The following GLIS1 variants were observed in gnomAD, a reference collection of about 807,000 sequenced individuals.
GLIS1 encodes the protein GLIS family zinc finger 1.
GLIS1 carries 24 observed loss-of-function variants against 63.8 expected under a neutral mutation model. The ratio of observed to expected loss-of-function variants is 0.38; its 90% CI spans 0.27 to 0.53. The LOEUF is 0.53. Ranked by LOEUF, GLIS1 falls within the 20% of genes least tolerant of loss-of-function variation. The pLI is 0.85. For synonymous variants in GLIS1, 450 were observed against 482.5 expected (o/e 0.93, Z 0.88); for missense variants, 1,036 against 1,074.1 (o/e 0.96, Z 0.50).
chr1:53,605,048 C>G (rs982651669), intron 2 of GLIS1, among the ~76,000 whole-genome samples: 1 of 151,144 alleles, frequency 6.6e-6, no homozygotes, highest in African/African-American at 2.4e-5. Context: ...TAATCGCCAA[C>G]CCCCGATCTC....
chr1:53,597,641 C>T (rs1156997405), intron 3 of GLIS1, among the ~76,000 whole-genome samples: 1 of 152,020 alleles, frequency 6.6e-6, no homozygotes. Context: ...AGAGAAGGGG[C>T]CCCAAACACA....
At chr1:53,709,407 T>TACAC (rs1244921840) in intron 2 of GLIS1, among the ~76,000 whole-genome samples, 50 of 32,546 alleles carry the variant, frequency 1.5e-3, no homozygotes, top group African/African-American at 5.3e-3. Flanking sequence ...TATACATATA[T>TACAC]ATATACACAC....
intron 2 of GLIS1, among the ~76,000 whole-genome samples, chr1:53,734,879 A>G (rs910784169): frequency 6.6e-6 from 1 of 152,228 alleles, no homozygotes; most frequent in African/African-American, 2.4e-5. Flanking sequence ...GCATCTGGCA[A>G]TTTGGCTTTT....
intron 2 of GLIS1, among the ~76,000 whole-genome samples, chr1:53,674,171 CAAAAA>C (rs11297748): frequency 2.1e-5 from 2 of 94,126 alleles, no homozygotes; most frequent in Non-Finnish European, 2.2e-5. Context: ...GACTCTGTCT[CAAAAA>C]AAAAAAAAAA....
chr1:53,719,217 T>G (rs1046686098), intron 2 of GLIS1, among the ~76,000 whole-genome samples: 4 of 152,208 alleles, frequency 2.6e-5, no homozygotes, highest in African/African-American at 9.7e-5. Flanking sequence ...CAGTCTTTCG[T>G]GTTCCGTATT....
intron 4 of GLIS1, among the ~76,000 whole-genome samples, chr1:53,586,206 G>A (rs1410208159): frequency 1.3e-5 from 2 of 152,174 alleles, no homozygotes; most frequent in Admixed American, 1.3e-4. Context: ...AACAGGGGAG[G>A]AAGAAAAGCA....
At chr1:53,632,573 GGC>G (rs1645668726) in intron 2 of GLIS1, among the ~76,000 whole-genome samples, 2 of 149,962 alleles carry the variant, frequency 1.3e-5, no homozygotes, top group South Asian at 2.1e-4. Context: ...GTGACTGAGG[GGC>G]ATGTGAATGA....
rs72896757 is a variant in GLIS1, at chr1:53,646,528, G to A, written c.260-46250C>T. ...CCTCAACAAAGAAAATTGCTAGACA[G>A]GCTGGACATGGTGGCTCACACCTGT... is the stretch of plus-strand genomic sequence containing the variant. On this transcript the variant is annotated intron_variant, in intron 2 of 10. Transcript: ENST00000628545. The surrounding 1 kb of genome is among the most constrained non-coding windows in gnomAD (Gnocchi z 4.2). Among the ~76,000 whole-genome samples the A allele has an allele frequency of 0.021, 3,190 of 152,250 alleles. 107 individuals are homozygous for A. The highest frequency in any genetic ancestry group is 0.072 in the African/African-American group (2,973 of 41,540).
intron 2 of GLIS1, among the ~76,000 whole-genome samples, chr1:53,713,382 G>C (rs1353486467): frequency 2.1e-5 from 3 of 145,328 alleles, no homozygotes; most frequent in Non-Finnish European, 4.5e-5. Context: ...AACATGGTGA[G>C]ACCTCATCTC....
intron 2 of GLIS1, among the ~76,000 whole-genome samples, chr1:53,661,072 A>G (rs569822547): frequency 1.1e-4 from 16 of 152,198 alleles, no homozygotes; most frequent in Non-Finnish European, 1.8e-4. Flanking sequence ...ACATATACAC[A>G]TCCATGTATG....
intron 4 of GLIS1, among the ~76,000 whole-genome samples, chr1:53,593,841 G>A (rs376040163): frequency 9.2e-5 from 14 of 152,236 alleles, no homozygotes; most frequent in African/African-American, 3.4e-4. Flanking sequence ...CGGGCCCTGT[G>A]GCGTGCTAAG....
chr1:53,529,909 T>C lies in GLIS1; in HGVS notation c.1364A>G (p.Lys455Arg). 4 of 1,613,864 alleles carry C rather than the reference T, an allele frequency of 2.5e-6. No homozygotes were observed. The highest frequency in any genetic ancestry group is 3.4e-6 in the Non-Finnish European group (4 of 1,179,948). ...SKAFSRLENL[K>R]IHLRSHTGEK... The stretch of plus-strand genomic sequence containing the variant: ...GCCCGTGTGGCTCCTCAGGTGGATC[T>C]TGAGGTTCTCCAGCCGTGAGAAGGC... The change falls in exon 5 of 11, where the codon AAG (lysine) becomes AGG (arginine). Residue 455 changes from lysine (K) to arginine (R), a missense_variant. Coordinates refer to ENST00000628545, the MANE Select transcript of GLIS1 (RefSeq NM_001367484.1).
Position 53,511,158 on chromosome 1 carries a change from C to A in GLIS1, c.1884-1131G>T, listed in dbSNP as rs1306060195. Among the ~76,000 whole-genome samples the A allele has an allele frequency of 6.6e-6, 1 of 152,232 alleles. No homozygotes were observed. The highest frequency in any genetic ancestry group is 2.1e-4 in the South Asian group (1 of 4,834). ...TCCCAGCCTGTAAAGCATTTATGTA[C>A]ATGGCAGAAAGAGGGAGATAGTGAG... On this transcript the variant is annotated intron_variant, in intron 8 of 10. Coordinates refer to ENST00000628545, the MANE Select transcript of GLIS1 (RefSeq NM_001367484.1). The surrounding 1 kb of genome is among the most constrained non-coding windows in gnomAD (Gnocchi z 4.2).
chr1:53,585,231 G>A (rs940523835), intron 4 of GLIS1, among the ~76,000 whole-genome samples: 4 of 152,044 alleles, frequency 2.6e-5, no homozygotes, highest in Non-Finnish European at 5.9e-5. Flanking sequence ...GGAGGTGGGG[G>A]AAGGAACAAG....
At chr1:53,509,494 G>C (rs577087099) in intron 9 of GLIS1, among the ~76,000 whole-genome samples, 1 of 152,162 alleles carries the variant, frequency 6.6e-6, no homozygotes, top group African/African-American at 2.4e-5. Flanking sequence ...GAGGGCAGGC[G>C]AGGGGTGGCT....
chr1:53,661,209 A>C (rs1283231005), intron 2 of GLIS1, among the ~76,000 whole-genome samples: 1 of 152,078 alleles, frequency 6.6e-6, no homozygotes, highest in African/African-American at 2.4e-5. Flanking sequence ...CAGGTAAGCA[A>C]ACGGTTAGTG....
chr1:53,728,127 C>T (rs1210548252), intron 2 of GLIS1, among the ~76,000 whole-genome samples: 5 of 152,004 alleles, frequency 3.3e-5, no homozygotes, highest in Admixed American at 6.5e-5. Context: ...TCTTCAAGGA[C>T]GCATAAGTAA....
intron 2 of GLIS1, among the ~76,000 whole-genome samples, chr1:53,698,562 T>A (rs1359174442): frequency 6.6e-6 from 1 of 152,160 alleles, no homozygotes; most frequent in African/African-American, 2.4e-5. Flanking sequence ...CATTTCCCCA[T>A]CAGGGGTGAG....
At chr1:53,706,787 A>G (rs1486787700) in intron 2 of GLIS1, among the ~76,000 whole-genome samples, 4 of 152,258 alleles carry the variant, frequency 2.6e-5, no homozygotes, top group Non-Finnish European at 4.4e-5. Context: ...TAAGAAAATC[A>G]AAACACATGT....
Sources: gnomAD v4.1 joint callset for allele counts (sites outside exome capture counted in the v4.1 genomes callset) on GRCh38, gnomAD v4.1.1 for gene constraint, Gnocchi (gnomAD v3.1) non-coding constraint, MANE v1.5 for transcripts, NCBI Gene and HGNC (gene_info 2026-07-23, HGNC 2026-07-21) for gene names.